The following RABGAP1 variants were observed in gnomAD, a reference collection of about 807,000 sequenced individuals.
RABGAP1 encodes rab GTPase-activating protein 1.
In RABGAP1, 23 loss-of-function variants were observed where a neutral mutation model predicts 137.6. That is an observed-to-expected ratio of 0.17 (90% CI 0.12 to 0.24). RABGAP1 has a LOEUF of 0.24. Ranked by LOEUF, RABGAP1 falls within the 10% of genes least tolerant of loss-of-function variation. The pLI is 1.00. For synonymous variants in RABGAP1, 451 were observed against 450.7 expected, an observed-to-expected ratio of 1.00 and a Z score of -0.01; for missense variants, 906 against 1,275.8, an observed-to-expected ratio of 0.71 and a Z score of 4.42.
intron 1 of RABGAP1, among the ~76,000 whole-genome samples, chr9:122,943,952 C>CAA (rs34584766): frequency 8.9e-5 from 13 of 145,598 alleles, no homozygotes; most frequent in Admixed American, 8.1e-4. Context: ...GACTCCGTCT[C>CAA]AAAAAAAAAA....
At chr9:122,965,124 C>G (rs752346298) in intron 2 of RABGAP1, among the ~76,000 whole-genome samples, 7 of 152,072 alleles carry the variant, frequency 4.6e-5, no homozygotes, top group Non-Finnish European at 1.0e-4. Flanking sequence ...AATGGGTAAA[C>G]AAAATGTAGT....
rs559660047 is a variant in RABGAP1 at position 122,997,068 on chromosome 9, A to G, written c.1102-191A>G. ...TACAATTTGATATTCGTAAGCATAT[A>G]CATATAACTTCAGGACAGTTGCATA... On this transcript the variant is annotated intron_variant, in intron 8 of 25. Transcript: ENST00000373647. 18 of 594,086 alleles carry G rather than the reference A, an allele frequency of 3.0e-5. No homozygotes were observed. The South Asian group carries it at 3.1e-4, about 10-fold the overall frequency. The allele number at this position is 594,086 out of a possible 1,614,324, so 36.8% of individuals were successfully genotyped here.
intron 12 of RABGAP1, among the ~76,000 whole-genome samples, chr9:123,018,767 A>C (rs958224556): frequency 6.6e-6 from 1 of 152,232 alleles, no homozygotes; most frequent in Non-Finnish European, 1.5e-5. Context: ...TTCTTATAGG[A>C]TTCTGTGAAC....
At chr9:122,986,119 A>G in intron 3 of RABGAP1, 96 bp from the exon 4 acceptor site, 1 of 1,121,656 alleles carries the variant, frequency 8.9e-7, no homozygotes, top group Non-Finnish European at 1.3e-6. Context: ...ACTTAATTTT[A>G]GACCTTAAAT....
chr9:123,029,671 C>T, intron 13 of RABGAP1: 2 of 696,922 alleles, frequency 2.9e-6, no homozygotes, highest in Non-Finnish European at 5.5e-6. Flanking sequence ...TTTGGCCTTG[C>T]CCCCGGGTTT....
At chr9:123,006,118 T>A (rs1416666112) in intron 10 of RABGAP1, among the ~76,000 whole-genome samples, 2 of 152,226 alleles carry the variant, frequency 1.3e-5, no homozygotes, top group Non-Finnish European at 2.9e-5. Context: ...GATATGATAG[T>A]CCTCCCAGTT....
At chr9:123,029,448 G>A in intron 13 of RABGAP1, 3 of 1,544,332 alleles carry the variant, frequency 1.9e-6, no homozygotes, top group Non-Finnish European at 2.7e-6. Context: ...TGAGCTCTGT[G>A]CTTTGAAACC....
At chr9:123,063,857 A>AT (rs1363524272) in intron 13 of RABGAP1, among the ~76,000 whole-genome samples, 1 of 152,148 alleles carries the variant, frequency 6.6e-6, no homozygotes, top group Non-Finnish European at 1.5e-5. Context: ...AGTTTTTTGA[A>AT]TAGTAAGATT....
chr9:123,015,221 C>T (rs1042882883), intron 11 of RABGAP1, among the ~76,000 whole-genome samples: 2 of 149,542 alleles, frequency 1.3e-5, no homozygotes, highest in Non-Finnish European at 3.0e-5. Context: ...ATGCATAAAG[C>T]TGTTTGCTTT....
At chr9:123,022,728 T>C (rs914065789) in intron 13 of RABGAP1, among the ~76,000 whole-genome samples, 2 of 152,060 alleles carry the variant, frequency 1.3e-5, no homozygotes, top group African/African-American at 4.8e-5. Context: ...AATGAATATA[T>C]ATTAATTTAA....
chr9:122,979,904 A>T (rs1835958725), intron 2 of RABGAP1, among the ~76,000 whole-genome samples: 1 of 152,242 alleles, frequency 6.6e-6, no homozygotes, highest in Non-Finnish European at 1.5e-5. Flanking sequence ...TCTGTTAGGA[A>T]TGCTATTGGC....
chr9:122,944,060 T>A (rs1833783566), intron 1 of RABGAP1, among the ~76,000 whole-genome samples: 1 of 152,230 alleles, frequency 6.6e-6, no homozygotes, highest in African/African-American at 2.4e-5. Context: ...AATTTTTGAA[T>A]ACAGTTTTCA....
At chr9:122,975,277 A>G (rs1227109042) in intron 2 of RABGAP1, among the ~76,000 whole-genome samples, 1 of 152,228 alleles carries the variant, frequency 6.6e-6, no homozygotes, top group Non-Finnish European at 1.5e-5. Flanking sequence ...TGCCTGAAGT[A>G]GCTTTGTATA....
Position 123,099,548 on chromosome 9 carries a change from G to T in RABGAP1, c.2888G>T (p.Arg963Leu). Reference sequence around the variant, plus strand: ...AATAAGGTGGAAATTGAGAAAATTCGGGTAAGACTTCTCTTTACCTAAAAG... The same window carrying T: ...AATAAGGTGGAAATTGAGAAAATTCTGGTAAGACTTCTCTTTACCTAAAAG... ...TANKVEIEKI[R>L]QKVDDCERCR... is the part of the protein sequence containing the mutation. The change falls in exon 24 of 26, where the codon CGG (arginine) becomes CTG (leucine). Residue 963 changes from arginine to leucine, a missense_variant and splice_region_variant. Arg to Leu is a moderately radical substitution (Grantham distance 102, BLOSUM62 -2). Around this residue, in one of 9 missense-constraint regions of RABGAP1, gnomAD observed 193 missense variants for 248.1 expected, o/e 0.78. Coordinates refer to ENST00000373647, the MANE Select transcript of RABGAP1 (RefSeq NM_012197.4). 6.2e-7 allele frequency: 1 copy of T among 1,604,336 alleles called. No homozygotes were observed.
chr9:122,973,989 G>A (rs1835619002), intron 2 of RABGAP1, among the ~76,000 whole-genome samples: 3 of 150,158 alleles, frequency 2.0e-5, no homozygotes, highest in Admixed American at 6.7e-5. Context: ...CCTGGGCGAC[G>A]AGCGAAACTT....
rs1288715522 is a variant in RABGAP1, at chr9:123,097,858, T to C, written c.2733+13T>C. ...AGAGTCTGCTCAGGTAAGGGAACTC[T>C]CCCACATTCCTCTGTCTTGCAAATG... On this transcript the variant is annotated intron_variant, in intron 22 of 25. Transcript: ENST00000373647. 6.3e-7 allele frequency: 1 copy of C among 1,598,740 alleles called. No individual in the cohort carries two copies. The highest frequency in any genetic ancestry group is 1.7e-5 in the Admixed American group (1 of 57,256).
intron 2 of RABGAP1, among the ~76,000 whole-genome samples, chr9:122,972,414 G>C (rs1835516205): frequency 6.6e-6 from 1 of 152,196 alleles, no homozygotes; most frequent in African/African-American, 2.4e-5. Flanking sequence ...GGTCGGGTGG[G>C]GACTGGACTT....
chr9:123,043,145 C>T (rs570263426), intron 13 of RABGAP1, among the ~76,000 whole-genome samples: 9 of 152,204 alleles, frequency 5.9e-5, no homozygotes, highest in Non-Finnish European at 1.0e-4. Flanking sequence ...CCTGCCTTAA[C>T]GTACTTTCTC....
At position 123,081,874 on chromosome 9, in the gene RABGAP1, C is replaced by T. The variant is rs144325414; in HGVS notation, c.2424+5112C>T. ...CATCAAGTGACTTACCCAAGTCATACCAGCTGTATAGTGACAGACCACCCT... is the reference window on the plus strand; with the variant it reads ...CATCAAGTGACTTACCCAAGTCATATCAGCTGTATAGTGACAGACCACCCT... On this transcript the variant is annotated intron_variant, in intron 19 of 25. Transcript: ENST00000373647. Among the ~76,000 whole-genome samples the T allele has an allele frequency of 9.7e-4, 147 of 152,300 alleles. No individual in the cohort carries two copies. The East Asian group carries it at 0.017, about 18-fold the overall frequency.
Sources: allele counts gnomAD v4.1 joint callset (sites outside exome capture counted in the v4.1 genomes callset), GRCh38; gene constraint gnomAD v4.1.1; regional missense constraint gnomAD v4.1.1; transcripts MANE v1.5; gene names NCBI Gene and HGNC (gene_info 2026-07-23, HGNC 2026-07-21).